The following VIT variants were observed in gnomAD, a reference collection of about 807,000 sequenced individuals.
VIT encodes the protein vitrin.
A neutral mutation model predicts 78.0 loss-of-function variants in VIT; 99 were observed. The observed-to-expected ratio is 1.27, with a 90% CI of 1.08 to 1.50. VIT has a LOEUF of 1.50. Ranked by LOEUF, VIT falls within the 40% of genes most tolerant of loss-of-function variation. The probability of loss-of-function intolerance (pLI) is 0.00; values close to 1 mark genes in which losing one functional copy is unlikely to be tolerated. For missense variants in VIT, 1,126 were observed against 875.3 expected, an observed-to-expected ratio of 1.29 and a Z score of -3.61; for synonymous variants, 374 against 334.3, an observed-to-expected ratio of 1.12 and a Z score of -1.29.
intron 9 of VIT, among the ~76,000 whole-genome samples, chr2:36,778,144 G>C (rs565320762): frequency 6.6e-6 from 1 of 152,232 alleles, no homozygotes; most frequent in Non-Finnish European, 1.5e-5. Flanking sequence ...TGAGCATACT[G>C]TATGTCAGAT....
At chr2:36,792,324 CAG>C (rs1179068388) in intron 12 of VIT, among the ~76,000 whole-genome samples, 2 of 152,240 alleles carry the variant, frequency 1.3e-5, no homozygotes, top group East Asian at 1.9e-4. Context: ...CTCAGGAACA[CAG>C]AGTCTCAAGA....
intron 9 of VIT, 42 bp from the exon 10 acceptor site, chr2:36,781,685 G>T: frequency 6.2e-7 from 1 of 1,610,530 alleles, no homozygotes; most frequent in Non-Finnish European, 8.5e-7. Context: ...TGCTGGTTTG[G>T]TTTAAGTAAC....
Position 36,773,797 on chromosome 2 carries a change from G to A in VIT, c.686G>A (p.Trp229Ter). ...CAGTCAAATGTCCTTACAGATCTCT[G>A]GTCCACTGCCACCTACACAAGCAGC... ...VGHRSQEMDL[W>*]STATYTSSQN... The change falls in exon 8 of 16, where the codon TGG becomes TAG. Residue 229 changes from tryptophan to a stop codon, truncating the protein, a stop_gained. Coordinates refer to ENST00000379242, the MANE Select transcript of VIT (RefSeq NM_053276.4). LOFTEE classifies it high-confidence loss of function. 1 of 1,599,352 alleles carries A rather than the reference G, an allele frequency of 6.3e-7. No individual in the cohort carries two copies.
chr2:36,697,610 A>G (rs899302614), intron 1 of VIT, among the ~76,000 whole-genome samples: 3 of 152,240 alleles, frequency 2.0e-5, no homozygotes, highest in African/African-American at 7.2e-5. Flanking sequence ...AGCTTTTCAC[A>G]GGAAGACAGG....
At chr2:36,715,675 A>G (rs1239389202) in intron 1 of VIT, among the ~76,000 whole-genome samples, 3 of 152,240 alleles carry the variant, frequency 2.0e-5, no homozygotes, top group African/African-American at 7.2e-5. Flanking sequence ...AGACTTATTC[A>G]ATTGGTCTGG....
At chr2:36,777,633 T>C (rs1670153757) in intron 9 of VIT, among the ~76,000 whole-genome samples, 1 of 152,172 alleles carries the variant, frequency 6.6e-6, no homozygotes, top group Non-Finnish European at 1.5e-5. Flanking sequence ...GTCGCTGGGA[T>C]TTTTTATCAT....
chr2:36,751,133 C>T (rs1049782520), intron 4 of VIT, among the ~76,000 whole-genome samples: 14 of 151,688 alleles, frequency 9.2e-5, no homozygotes, highest in African/African-American at 2.2e-4. Context: ...TGGTGGCTCA[C>T]GCTTGTAATC....
chr2:36,701,037 C>CTTTTTTTTTTTTTTTTTTTTTTTTTTTT, intron 1 of VIT, among the ~76,000 whole-genome samples: 1 of 151,708 alleles, frequency 6.6e-6, no homozygotes, highest in African/African-American at 2.4e-5. Context: ...CCTGGTTTTT[C>CTTTTTTTTTTTTTTTTTTTTTTTTTTTT]TGTGACAGCA....
chr2:36,719,156 A>G (rs1265140027), intron 2 of VIT, among the ~76,000 whole-genome samples: 2 of 152,256 alleles, frequency 1.3e-5, no homozygotes, highest in African/African-American at 4.8e-5. Context: ...AGATAGCAAG[A>G]AATCAAAGTA....
In VIT at chr2:36,787,225, A is replaced by G. The variant is rs1247431013; in HGVS notation, c.1007A>G (p.Gln336Arg). 1 of 1,614,166 alleles carries G rather than the reference A, an allele frequency of 6.2e-7. No homozygotes were observed. Among genetic ancestry groups the G allele is most frequent in the East Asian group, 2.2e-5 (1 of 44,882 alleles). Residue 336 changes from glutamine to arginine, a missense_variant, in exon 12 of 16, where the codon CAA (glutamine) becomes CGA (arginine). Physicochemically the swap from Gln to Arg is conservative, Grantham distance 43. Coordinates refer to ENST00000379242, the MANE Select transcript of VIT (RefSeq NM_053276.4). ...AAGCAGCTCCTGGCTGATGTTGCCCAAGCTCTTGACATTGGCCCTGCCGGT... is the reference window on the plus strand; with the variant it reads ...AAGCAGCTCCTGGCTGATGTTGCCCGAGCTCTTGACATTGGCCCTGCCGGT... ...IQKQLLADVA[Q>R]ALDIGPAGPL...
intron 3 of VIT, among the ~76,000 whole-genome samples, chr2:36,735,497 G>A (rs2148499304): frequency 6.6e-6 from 1 of 152,336 alleles, no homozygotes; most frequent in South Asian, 2.1e-4. Flanking sequence ...GGCTTGTGCA[G>A]TCTAGAAGAT....
chr2:36,804,798 C>T (rs1286910078), intron 13 of VIT, among the ~76,000 whole-genome samples: 1 of 151,622 alleles, frequency 6.6e-6, no homozygotes, highest in Non-Finnish European at 1.5e-5. Context: ...CCACTGCACT[C>T]CAGCCTGGCA....
At chr2:36,769,154 C>G (rs546662828) in intron 7 of VIT, among the ~76,000 whole-genome samples, 1 of 152,334 alleles carries the variant, frequency 6.6e-6, no homozygotes, top group Non-Finnish European at 1.5e-5. Context: ...TCTAAAATTT[C>G]AGGCTCTTGA....
chr2:36,771,858 G>A (rs1669780545), intron 7 of VIT, among the ~76,000 whole-genome samples: 1 of 152,198 alleles, frequency 6.6e-6, no homozygotes, highest in African/African-American at 2.4e-5. Context: ...AGTGCCACAA[G>A]AGAATTGGCC....
chr2:36,785,824 G>A (rs1310658545), intron 11 of VIT, among the ~76,000 whole-genome samples: 1 of 152,176 alleles, frequency 6.6e-6, no homozygotes, highest in East Asian at 1.9e-4. Context: ...ACATTCTCAG[G>A]TATAACTTTT....
intron 13 of VIT, among the ~76,000 whole-genome samples, chr2:36,805,208 G>A (rs1239147672): frequency 2.6e-5 from 4 of 151,524 alleles, no homozygotes; most frequent in Non-Finnish European, 4.4e-5. Context: ...GGAGGCTGAG[G>A]TGGGAGGGTT....
chr2:36,788,217 A>G (rs1403187019), intron 12 of VIT, among the ~76,000 whole-genome samples: 1 of 152,130 alleles, frequency 6.6e-6, no homozygotes, highest in African/African-American at 2.4e-5. Context: ...TATTGCTTAG[A>G]AGTGCGGTCA....
chr2:36,800,999 T>A (rs1439022490), intron 12 of VIT, among the ~76,000 whole-genome samples: 1 of 152,164 alleles, frequency 6.6e-6, no homozygotes, highest in Non-Finnish European at 1.5e-5. Context: ...AACAGTCCCG[T>A]TCATTAGCAA....
At chr2:36,805,888 C>A (rs377538033) in intron 14 of VIT, among the ~76,000 whole-genome samples, 1 of 152,264 alleles carries the variant, frequency 6.6e-6, no homozygotes, top group East Asian at 1.9e-4. Context: ...TACTCGAATT[C>A]TCAGCTAGGT....
Sources: allele counts gnomAD v4.1 joint callset (sites outside exome capture counted in the v4.1 genomes callset), GRCh38; gene constraint gnomAD v4.1.1; transcripts MANE v1.5; gene names NCBI Gene and HGNC (gene_info 2026-07-23, HGNC 2026-07-21).